ANKRD45: variants seen among roughly 807,000 people sequenced by gnomAD.
The protein encoded by ANKRD45 is ankyrin repeat domain-containing protein 45.
ANKRD45 carries 21 observed loss-of-function variants against 28.1 expected under a neutral mutation model. That is an observed-to-expected ratio of 0.75 (90% CI 0.53 to 1.08). The LOEUF is 1.08. Among genes scored for constraint, ANKRD45 ranks in the 50% least tolerant of loss-of-function variants. ANKRD45 has a pLI of 0.00. For missense variants in ANKRD45, 261 were observed against 308.7 expected (o/e 0.85, Z 1.16); for synonymous variants, 86 against 103.9 (o/e 0.83, Z 1.05).
At chr1:173,623,880 G>A (rs1302891955) in intron 5 of ANKRD45, among the ~76,000 whole-genome samples, 2 of 148,746 alleles carry the variant, frequency 1.3e-5, no homozygotes, top group Non-Finnish European at 3.0e-5. Flanking sequence ...AACACTGTAT[G>A]TTCTCACTTG....
chr1:173,621,612 C>A (rs1196289643), intron 5 of ANKRD45, among the ~76,000 whole-genome samples: 1 of 152,104 alleles, frequency 6.6e-6, no homozygotes, highest in Admixed American at 6.5e-5. Context: ...AATATCTCTT[C>A]ATGTTAAAAA....
chr1:173,612,319 A>AGAAGGAAGGAAGGAAGG (rs1667198053), intron 5 of ANKRD45, among the ~76,000 whole-genome samples: 2 of 130,236 alleles, frequency 1.5e-5, no homozygotes, highest in Non-Finnish European at 3.2e-5. Context: ...AAGGAAGGAA[A>AGAAGGAAGGAAGGAAGG]GAAGGAAGGA....
chr1:173,612,295 AGAAGGAAAGAAGGAAG>A (rs1360281365), intron 5 of ANKRD45, among the ~76,000 whole-genome samples: 5 of 98,454 alleles, frequency 5.1e-5, no homozygotes, highest in Admixed American at 9.1e-5. Context: ...AAAGAAGGAA[AGAAGGAAAGAAGGAAG>A]GAAGGAAAGA....
At chr1:173,662,660 T>C (rs1279250553) in intron 1 of ANKRD45, among the ~76,000 whole-genome samples, 2 of 152,142 alleles carry the variant, frequency 1.3e-5, no homozygotes, top group African/African-American at 4.8e-5. Flanking sequence ...GCAGGAAGAA[T>C]GGGGAAATCA....
chr1:173,667,025 G>C (rs566941961), intron 1 of ANKRD45, among the ~76,000 whole-genome samples: 1 of 152,266 alleles, frequency 6.6e-6, no homozygotes, highest in East Asian at 1.9e-4. Flanking sequence ...GAGATTACAA[G>C]TGTGAGCCAC....
chr1:173,612,259 AAAAG>A (rs767260690), intron 5 of ANKRD45, among the ~76,000 whole-genome samples: 11 of 148,360 alleles, frequency 7.4e-5, no homozygotes, highest in Non-Finnish European at 7.4e-5. Flanking sequence ...TGAAAGAAAG[AAAAG>A]AAAGAGAGAG....
chr1:173,713,678 C>T, the ANKRD45 span, among the ~76,000 whole-genome samples: 6 of 151,918 alleles, frequency 3.9e-5, no homozygotes, highest in Non-Finnish European at 7.4e-5. Context: ...CCAACTGTTC[C>T]TGTGGCTCCA....
the ANKRD45 span, among the ~76,000 whole-genome samples, chr1:173,709,536 C>T: frequency 1.3e-5 from 2 of 152,268 alleles, no homozygotes; most frequent in African/African-American, 4.8e-5. Flanking sequence ...AGGGCATGAA[C>T]ACCAAGAGGC....
rs770746390 is a variant in ANKRD45 at position 173,627,068 on chromosome 1, G to A, written c.588C>T (p.Asp196=). Residue 196 remains aspartate, a synonymous_variant, in exon 4 of 6, where the codon GAC becomes GAT. Transcript: ENST00000333279. ...AGCAATAATCACAATACAGTACCTT[G>A]TCTTCCTTAAGGAGTTTCCCTGATC... ...EKGSGKLLKE[D]KNTILSACRA... 4 of 1,598,340 alleles carry A rather than the reference G, an allele frequency of 2.5e-6. No individual in the cohort carries two copies. Among genetic ancestry groups the A allele is most frequent in the Non-Finnish European group, 3.4e-6 (4 of 1,167,244 alleles).
chr1:173,609,365 T>C lies in ANKRD45; in HGVS notation c.*780A>G, dbSNP rs1667049469. Among the ~76,000 whole-genome samples, 1 of 152,158 alleles carries C rather than the reference T, an allele frequency of 6.6e-6. No homozygotes were observed. Among genetic ancestry groups the C allele is most frequent in the South Asian group, 2.1e-4 (1 of 4,824 alleles). The stretch of plus-strand genomic sequence containing the variant: ...ACCATCTTCTTTTCTATAAAACTTT[T>C]CCATAAAGTCACAACGTAAGAGAAG... On this transcript the variant is annotated 3_prime_UTR_variant, in exon 6 of 6. Transcript: ENST00000333279.
intron 5 of ANKRD45, among the ~76,000 whole-genome samples, chr1:173,614,338 A>G (rs1254240478): frequency 6.6e-6 from 1 of 152,136 alleles, no homozygotes; most frequent in African/African-American, 2.4e-5. Context: ...GGAAACAGAA[A>G]CTGTGGAAAA....
chr1:173,701,114 A>G, the ANKRD45 span, among the ~76,000 whole-genome samples: 1 of 152,270 alleles, frequency 6.6e-6, no homozygotes, highest in Non-Finnish European at 1.5e-5. Context: ...CAAACCCACA[A>G]TGAGATACCA....
chr1:173,626,600 C>T (rs1474403473), intron 4 of ANKRD45, among the ~76,000 whole-genome samples: 1 of 152,124 alleles, frequency 6.6e-6, no homozygotes, highest in African/African-American at 2.4e-5. Context: ...ATTAATACAG[C>T]TTCTGTCCCT....
At chr1:173,686,146 A>G in the ANKRD45 span, among the ~76,000 whole-genome samples, 1 of 152,180 alleles carries the variant, frequency 6.6e-6, no homozygotes, top group African/African-American at 2.4e-5. Flanking sequence ...GGACAGAGGT[A>G]CTTTTCTGAA....
At chr1:173,636,064 T>G (rs1668426473) in intron 3 of ANKRD45, among the ~76,000 whole-genome samples, 1 of 152,096 alleles carries the variant, frequency 6.6e-6, no homozygotes, top group Non-Finnish European at 1.5e-5. Context: ...TCTAGCCCCC[T>G]CTACTTCAAG....
chr1:173,637,004 AAGAGT>A, intron 3 of ANKRD45: 2 of 1,534,760 alleles, frequency 1.3e-6, no homozygotes, highest in South Asian at 1.2e-5. Flanking sequence ...ATTAAAGAAG[AAGAGT>A]AAAGAAGAAG....
the ANKRD45 span, among the ~76,000 whole-genome samples, chr1:173,679,199 T>A: frequency 3.3e-5 from 5 of 152,168 alleles, no homozygotes; most frequent in African/African-American, 1.2e-4. Flanking sequence ...AAAACTACTT[T>A]AAAGTTCATA....
chr1:173,612,108 G>A (rs1667181757), intron 5 of ANKRD45, among the ~76,000 whole-genome samples: 1 of 152,050 alleles, frequency 6.6e-6, no homozygotes, highest in South Asian at 2.1e-4. Context: ...GCCAGGTGTG[G>A]TGGCATACCG....
chr1:173,704,073 G>A, the ANKRD45 span, among the ~76,000 whole-genome samples: 4 of 152,334 alleles, frequency 2.6e-5, no homozygotes, highest in Non-Finnish European at 1.5e-5. Flanking sequence ...GGAAAGTGGG[G>A]CTGATCTTGA....
Sources: gnomAD v4.1 joint callset for allele counts (sites outside exome capture counted in the v4.1 genomes callset) on GRCh38, gnomAD v4.1.1 for gene constraint, MANE v1.5 for transcripts, NCBI Gene and HGNC (gene_info 2026-07-23, HGNC 2026-07-21) for gene names.